Variants in STXBP5L observed in about 807,000 individuals in gnomAD.
The protein encoded by STXBP5L is syntaxin binding protein 5L.
In STXBP5L, 65 loss-of-function variants were observed where a neutral mutation model predicts 144.5. The observed-to-expected ratio is 0.45, with a 90% CI of 0.37 to 0.55. The LOEUF (loss-of-function observed/expected upper bound fraction) is 0.55. Ranked by LOEUF, STXBP5L falls within the 20% of genes least tolerant of loss-of-function variation. The pLI is 0.00. For synonymous variants in STXBP5L, 505 were observed against 469.6 expected, an observed-to-expected ratio of 1.08 and a Z score of -0.97; for missense variants, 1,298 against 1,405.5, an observed-to-expected ratio of 0.92 and a Z score of 1.22.
chr3:120,991,790 A>G (rs1942905080), intron 3 of STXBP5L, among the ~76,000 whole-genome samples: 1 of 148,944 alleles, frequency 6.7e-6, no homozygotes, highest in African/African-American at 2.5e-5. Context: ...GGTGGCAAAC[A>G]TCACACACCG....
intron 7 of STXBP5L, among the ~76,000 whole-genome samples, chr3:121,136,250 G>A (rs1171700514): frequency 2.6e-5 from 4 of 152,156 alleles, no homozygotes; most frequent in Non-Finnish European, 5.9e-5. Flanking sequence ...ATAGAGGTTT[G>A]CTGTAGAACC....
chr3:121,365,868 G>T (rs1166298649), intron 20 of STXBP5L, among the ~76,000 whole-genome samples: 1 of 151,066 alleles, frequency 6.6e-6, no homozygotes, highest in Non-Finnish European at 1.5e-5. Context: ...GTTGCCTTGA[G>T]ATTTTTCTTA....
At chr3:120,973,077 C>G (rs889909743) in intron 3 of STXBP5L, among the ~76,000 whole-genome samples, 1 of 152,058 alleles carries the variant, frequency 6.6e-6, no homozygotes, top group African/African-American at 2.4e-5. Flanking sequence ...CAAAATGATA[C>G]TGGTTTCCTA....
rs1470239926 is a variant in STXBP5L, at chr3:121,420,844, G to A, written c.*1747G>A. On this transcript the variant is annotated 3_prime_UTR_variant, in exon 27 of 27. Coordinates refer to ENST00000471454, the MANE Select transcript of STXBP5L (RefSeq NM_001308330.2). ...CTAGAAGTTGTACTTTCTAGCAAAT[G>A]TTTCTAGTGGTACAATGTTCTCAGT... 1 of 151,986 alleles carries A rather than the reference G, an allele frequency of 6.6e-6. No homozygotes were observed. Among genetic ancestry groups the A allele is most frequent in the African/African-American group, 2.4e-5 (1 of 41,368 alleles). The allele number at this position is 151,986 out of a possible 1,614,324, so 9.4% of individuals were successfully genotyped here.
intron 3 of STXBP5L, among the ~76,000 whole-genome samples, chr3:120,991,206 T>C (rs1450243771): frequency 4.7e-5 from 7 of 150,154 alleles, no homozygotes; most frequent in Admixed American, 1.3e-4. Flanking sequence ...AAGACATTTA[T>C]GCAGCCAAAA....
rs569505085 is a variant in STXBP5L at position 121,410,745 on chromosome 3, A to C, written c.2949-2413A>C. On this transcript the variant is annotated intron_variant, in intron 23 of 26. Transcript: ENST00000471454. ...GGCTGTAAGAGACACTTTTTGTGAGATCCACCTTTAGTTACCCGACACTAT... is the reference window on the plus strand; with the variant it reads ...GGCTGTAAGAGACACTTTTTGTGAGCTCCACCTTTAGTTACCCGACACTAT... Among the ~76,000 whole-genome samples, 18 of 152,172 alleles carry C rather than the reference A, an allele frequency of 1.2e-4. No homozygotes were observed. The South Asian group carries it at 3.7e-3, about 32-fold the overall frequency.
intron 19 of STXBP5L, among the ~76,000 whole-genome samples, chr3:121,305,537 A>C (rs568243712): frequency 3.9e-5 from 6 of 152,290 alleles, no homozygotes; most frequent in African/African-American, 1.4e-4. Context: ...ACTGATTAAC[A>C]TAAGAAAGGA....
intron 7 of STXBP5L, among the ~76,000 whole-genome samples, chr3:121,150,592 G>A (rs1434354148): frequency 6.6e-6 from 1 of 151,984 alleles, no homozygotes; most frequent in Non-Finnish European, 1.5e-5. Flanking sequence ...TGTTTTATAA[G>A]CAAATCAACT....
intron 3 of STXBP5L, among the ~76,000 whole-genome samples, chr3:121,003,252 C>G (rs1315292621): frequency 3.3e-5 from 5 of 152,152 alleles, no homozygotes; most frequent in Admixed American, 1.3e-4. Context: ...GCCATTCTAA[C>G]TGGTGTGAGA....
chr3:121,241,612 G>A (rs948371591), intron 14 of STXBP5L, among the ~76,000 whole-genome samples: 3 of 152,076 alleles, frequency 2.0e-5, no homozygotes, highest in African/African-American at 7.2e-5. Context: ...GTGTCAGTGG[G>A]GAGCTAGAAT....
At chr3:121,328,775 G>A (rs2044231488) in intron 20 of STXBP5L, among the ~76,000 whole-genome samples, 1 of 151,792 alleles carries the variant, frequency 6.6e-6, no homozygotes, top group South Asian at 2.1e-4. Flanking sequence ...AATAAACTAG[G>A]CTTCGCTTCA....
At chr3:121,280,668 T>G (rs2051028046) in intron 19 of STXBP5L, among the ~76,000 whole-genome samples, 1 of 151,910 alleles carries the variant, frequency 6.6e-6, no homozygotes, top group African/African-American at 2.4e-5. Context: ...CTGCCAAAGT[T>G]TTGCATATTT....
chr3:120,993,055 T>C (rs948042173), intron 3 of STXBP5L, among the ~76,000 whole-genome samples: 9 of 152,270 alleles, frequency 5.9e-5, no homozygotes, highest in African/African-American at 2.2e-4. Context: ...TGTTTAGTGA[T>C]GTTAAGCATT....
intron 20 of STXBP5L, among the ~76,000 whole-genome samples, chr3:121,349,283 A>T (rs995602674): frequency 2.0e-5 from 3 of 152,088 alleles, no homozygotes; most frequent in African/African-American, 7.2e-5. Context: ...TGAGTTTCTT[A>T]ATCCTGCGTT....
intron 20 of STXBP5L, among the ~76,000 whole-genome samples, chr3:121,352,858 C>T (rs1049431705): frequency 6.6e-6 from 1 of 152,062 alleles, no homozygotes; most frequent in Non-Finnish European, 1.5e-5. Flanking sequence ...TGCGTTCCAT[C>T]AATATCTAGT....
At chr3:121,100,658 T>G (rs567797046) in intron 5 of STXBP5L, among the ~76,000 whole-genome samples, 6 of 152,108 alleles carry the variant, frequency 3.9e-5, no homozygotes, top group South Asian at 2.1e-4. Flanking sequence ...GATCTCAAAT[T>G]AATGATCTAA....
intron 20 of STXBP5L, among the ~76,000 whole-genome samples, chr3:121,359,510 A>G (rs1318755061): frequency 6.6e-6 from 1 of 152,038 alleles, no homozygotes; most frequent in East Asian, 1.9e-4. Context: ...GGGGTGTTGC[A>G]TAAGAAGCCT....
intron 23 of STXBP5L, among the ~76,000 whole-genome samples, chr3:121,408,410 G>T (rs1159849411): frequency 6.6e-6 from 1 of 151,780 alleles, no homozygotes; most frequent in Non-Finnish European, 1.5e-5. Flanking sequence ...GTAGAACATG[G>T]TCCTAACCCT....
chr3:120,938,991 C>G (rs1270633885), intron 2 of STXBP5L, among the ~76,000 whole-genome samples: 3 of 151,970 alleles, frequency 2.0e-5, no homozygotes, highest in Admixed American at 1.3e-4. Flanking sequence ...ACTATGTTGC[C>G]CAGGCTGGTC....
Sources: gnomAD v4.1 joint callset for allele counts (sites outside exome capture counted in the v4.1 genomes callset) on GRCh38, gnomAD v4.1.1 for gene constraint, MANE v1.5 for transcripts, NCBI Gene and HGNC (gene_info 2026-07-23, HGNC 2026-07-21) for gene names.